The following KLHL2 variants were observed in gnomAD, a reference collection of about 807,000 sequenced individuals.
The protein encoded by KLHL2 is kelch like family member 2, also known as kelch-like protein 2.
A neutral mutation model predicts 75.8 loss-of-function variants in KLHL2; 15 were observed. The ratio of observed to expected loss-of-function variants is 0.20; its 90% CI spans 0.13 to 0.30. The LOEUF (loss-of-function observed/expected upper bound fraction) is 0.30. Among genes scored for constraint, KLHL2 ranks in the 10% least tolerant of loss-of-function variants. KLHL2 has a pLI of 1.00. For synonymous variants in KLHL2, 214 were observed against 251.9 expected (o/e 0.85, Z 1.42); for missense variants, 381 against 741.0 (o/e 0.51, Z 5.64).
At chr4:165,249,187 G>A (rs976127089) in intron 4 of KLHL2, among the ~76,000 whole-genome samples, 2 of 152,178 alleles carry the variant, frequency 1.3e-5, no homozygotes, top group East Asian at 3.9e-4. Context: ...GTTAGACATC[G>A]CTTGCCCAAT....
At chr4:165,269,257 C>G (rs1742487152) in intron 5 of KLHL2, among the ~76,000 whole-genome samples, 1 of 152,102 alleles carries the variant, frequency 6.6e-6, no homozygotes. Context: ...GGTCTTGACT[C>G]TTTATCCAAT....
At chr4:165,251,494 T>C (rs1157788603) in intron 4 of KLHL2, among the ~76,000 whole-genome samples, 1 of 152,070 alleles carries the variant, frequency 6.6e-6, no homozygotes, top group African/African-American at 2.4e-5. Flanking sequence ...AAAAGTCTTA[T>C]TTAAAATTTA....
intron 4 of KLHL2, among the ~76,000 whole-genome samples, chr4:165,247,783 C>G (rs12108446): frequency 0.28 from 42,704 of 152,036 alleles, 6,280 homozygotes; most frequent in African/African-American, 0.33. Flanking sequence ...TTGAACTAAA[C>G]ATGATAAATC....
chr4:165,320,506 C>G (rs985098573), intron 14 of KLHL2, among the ~76,000 whole-genome samples: 1 of 152,142 alleles, frequency 6.6e-6, no homozygotes, highest in Non-Finnish European at 1.5e-5. Flanking sequence ...TAGAAGTGGT[C>G]TACTTGCCCC....
chr4:165,246,873 G>A lies in KLHL2; in HGVS notation c.381+7974G>A, dbSNP rs552574528. Among the ~76,000 whole-genome samples, 3 of 152,224 alleles carry A rather than the reference G, an allele frequency of 2.0e-5. No individual in the cohort carries two copies. The South Asian group carries it at 6.2e-4, about 32-fold the overall frequency. On this transcript the variant is annotated intron_variant, in intron 4 of 14. Coordinates refer to ENST00000226725, the MANE Select transcript of KLHL2 (RefSeq NM_007246.4). ...ATTGGTGGCATATTGAAGTGGATGA[G>A]GTCACTTTAAGAGGTAGTGTAGACA...
At chr4:165,311,883 CA>C (rs1243720459) in intron 11 of KLHL2, among the ~76,000 whole-genome samples, 2 of 150,104 alleles carry the variant, frequency 1.3e-5, no homozygotes, top group Non-Finnish European at 3.0e-5. Context: ...ACTTATATAA[CA>C]CGTGTGTGTT....
At chr4:165,226,571 G>A (rs1402219882) in intron 2 of KLHL2, among the ~76,000 whole-genome samples, 2 of 151,738 alleles carry the variant, frequency 1.3e-5, no homozygotes, top group Non-Finnish European at 2.9e-5. Flanking sequence ...GTCTTCTTAA[G>A]GGCAGAGATG....
In KLHL2 at chr4:165,207,946, G is replaced by A. The variant is rs1237459751; in HGVS notation, c.26+44G>A. 1.2e-5 allele frequency: 16 copies of A among 1,301,168 alleles called. No individual in the cohort carries two copies. The highest frequency in any genetic ancestry group is 8.3e-5 in the Admixed American group (2 of 23,972). The allele number at this position is 1,301,168 out of a possible 1,614,324, so 80.6% of individuals were successfully genotyped here. ...GGGCTGCGCCGCTGCGGATAAGCGC[G>A]CCGCTGCGGCGCGTGTCGCCGGCCG... On this transcript the variant is annotated intron_variant, in intron 1 of 14. Coordinates refer to ENST00000226725, the MANE Select transcript of KLHL2 (RefSeq NM_007246.4). The surrounding 1 kb of genome is among the most constrained non-coding windows in gnomAD (Gnocchi z 4.2).
At chr4:165,237,858 C>G (rs1739480644) in intron 3 of KLHL2, among the ~76,000 whole-genome samples, 2 of 152,048 alleles carry the variant, frequency 1.3e-5, no homozygotes, top group Non-Finnish European at 2.9e-5. Context: ...CCCTCCCCAC[C>G]CGCATTCAAT....
intron 5 of KLHL2, among the ~76,000 whole-genome samples, chr4:165,268,360 G>T (rs915488870): frequency 5.3e-5 from 8 of 152,018 alleles, no homozygotes; most frequent in African/African-American, 1.7e-4. Flanking sequence ...GCTAGCTTTT[G>T]AATGTGTTTG....
chr4:165,293,918 T>C (rs145046522), intron 5 of KLHL2, among the ~76,000 whole-genome samples: 2 of 152,262 alleles, frequency 1.3e-5, no homozygotes, highest in East Asian at 3.9e-4. Context: ...CCTTACTCCA[T>C]AAGGAACAAC....
chr4:165,235,344 G>C (rs1188725569), intron 3 of KLHL2, among the ~76,000 whole-genome samples: 4 of 152,158 alleles, frequency 2.6e-5, no homozygotes, highest in Non-Finnish European at 5.9e-5. Flanking sequence ...GGGATTACAG[G>C]CATGTACCAG....
chr4:165,243,925 C>T (rs1216099958), intron 4 of KLHL2, among the ~76,000 whole-genome samples: 2 of 152,180 alleles, frequency 1.3e-5, no homozygotes. Flanking sequence ...ATATTTTAAC[C>T]TCAAATATGT....
At chr4:165,290,824 A>C (rs1744452213) in intron 5 of KLHL2, among the ~76,000 whole-genome samples, 2 of 152,130 alleles carry the variant, frequency 1.3e-5, no homozygotes, top group Admixed American at 6.5e-5. Flanking sequence ...AAAATTAGCT[A>C]GATGAGGTGG....
intron 2 of KLHL2, among the ~76,000 whole-genome samples, chr4:165,224,271 T>C (rs545688648): frequency 9.9e-5 from 15 of 152,210 alleles, no homozygotes; most frequent in African/African-American, 3.4e-4. Context: ...AGGATAAGAC[T>C]GTACTTGAGC....
chr4:165,239,507 C>T (rs903971230), intron 4 of KLHL2, among the ~76,000 whole-genome samples: 16 of 152,034 alleles, frequency 1.1e-4, no homozygotes, highest in South Asian at 6.2e-4. Flanking sequence ...TCAAGTGATC[C>T]GCCCTCTTCA....
chr4:165,305,235 G>A (rs1252386544), intron 8 of KLHL2, among the ~76,000 whole-genome samples: 1 of 152,010 alleles, frequency 6.6e-6, no homozygotes, highest in African/African-American at 2.4e-5. Flanking sequence ...GGATTATGGA[G>A]TTCTAATGCC....
chr4:165,219,985 C>T lies in KLHL2; in HGVS notation c.78C>T (p.Thr26=), dbSNP rs148132541. The T allele has an allele frequency of 1.2e-3, 1,921 of 1,613,426 alleles. 1 individual carries two copies. The highest frequency in any genetic ancestry group is 1.1e-3 in the Non-Finnish European group (1,291 of 1,179,634). Reference sequence around the variant, plus strand: ...CTCTCGATTCAAAAGATGATAATACCGAAAAACACTGCCCAGTGACAGTGA... The same window carrying T: ...CTCTCGATTCAAAAGATGATAATACTGAAAAACACTGCCCAGTGACAGTGA... The part of the protein sequence containing the change: ...QKPLDSKDDN[T]EKHCPVTVNP... Residue 26 remains threonine, a synonymous_variant, in exon 2 of 15, where the codon ACC becomes ACT. Transcript: ENST00000226725.
chr4:165,256,263 G>C (rs529792257), intron 4 of KLHL2, among the ~76,000 whole-genome samples: 142 of 152,242 alleles, frequency 9.3e-4, no homozygotes, highest in African/African-American at 3.3e-3. Context: ...GGTAAAAAAT[G>C]TGCAGCCTTT....
Sources: gnomAD v4.1 joint callset for allele counts (sites outside exome capture counted in the v4.1 genomes callset) on GRCh38, gnomAD v4.1.1 for gene constraint, Gnocchi (gnomAD v3.1) non-coding constraint, MANE v1.5 for transcripts, NCBI Gene and HGNC (gene_info 2026-07-23, HGNC 2026-07-21) for gene names.